TNFSF8: variants seen among roughly 807,000 people sequenced by gnomAD.
The protein encoded by TNFSF8 is TNF superfamily member 8.
In TNFSF8, 4 loss-of-function variants were observed where a neutral mutation model predicts 22.0. The observed-to-expected ratio is 0.18, with a 90% CI of 0.09 to 0.42. The LOEUF is 0.42. Among genes scored for constraint, TNFSF8 ranks in the 10% least tolerant of loss-of-function variants. The probability of loss-of-function intolerance (pLI) is 1.00; values close to 1 mark genes in which losing one functional copy is unlikely to be tolerated. For missense variants in TNFSF8, 233 were observed against 281.8 expected (o/e 0.83, Z 1.24); for synonymous variants, 106 against 112.5 (o/e 0.94, Z 0.37).
chr9:114,929,914 T>C (rs1828114970), intron 1 of TNFSF8, among the ~76,000 whole-genome samples, 195 bp downstream of exon 1: 1 of 148,018 alleles, frequency 6.8e-6, no homozygotes, highest in Non-Finnish European at 1.5e-5. Flanking sequence ...TATAATATAA[T>C]ATATATTATG....
intron 1 of TNFSF8, among the ~76,000 whole-genome samples, chr9:114,928,488 C>T (rs1251994255): frequency 1.3e-5 from 2 of 152,186 alleles, no homozygotes; most frequent in African/African-American, 4.8e-5. Flanking sequence ...TTCTCTCTAG[C>T]TTTATATATC....
At chr9:114,924,096 G>A (rs1828027006) in intron 1 of TNFSF8, among the ~76,000 whole-genome samples, 1 of 152,148 alleles carries the variant, frequency 6.6e-6, no homozygotes, top group Non-Finnish European at 1.5e-5. Context: ...AAAGGTCAAT[G>A]TTATTTAAAA....
chr9:114,917,984 T>G (rs1827940871), intron 2 of TNFSF8, 112 bp downstream of exon 2: 2 of 1,085,798 alleles, frequency 1.8e-6, no homozygotes, highest in East Asian at 5.5e-5. Flanking sequence ...CCTACCCACT[T>G]TACTGTTGGG....
At chr9:114,923,181 C>T (rs960222235) in intron 1 of TNFSF8, among the ~76,000 whole-genome samples, 1 of 152,174 alleles carries the variant, frequency 6.6e-6, no homozygotes, top group African/African-American at 2.4e-5. Context: ...TACCATTCCT[C>T]TCCTCACACC....
At chr9:114,915,685 C>T (rs1331336280) in intron 2 of TNFSF8, among the ~76,000 whole-genome samples, 3 of 152,134 alleles carry the variant, frequency 2.0e-5, no homozygotes, top group Non-Finnish European at 4.4e-5. Context: ...GACTATTCCC[C>T]ATGTTGCTGT....
chr9:114,916,587 G>T (rs933412499), intron 2 of TNFSF8, among the ~76,000 whole-genome samples: 2 of 152,166 alleles, frequency 1.3e-5, no homozygotes, highest in Non-Finnish European at 2.9e-5. Flanking sequence ...TTCACTCAGA[G>T]CCTTTTGGTT....
chr9:114,925,145 T>C (rs576002975), intron 1 of TNFSF8, among the ~76,000 whole-genome samples: 2 of 152,282 alleles, frequency 1.3e-5, no homozygotes, highest in South Asian at 4.1e-4. Context: ...GAGAGTCCAG[T>C]GGCAGTGAGC....
rs7872878 is a variant in TNFSF8, at chr9:114,919,797, G to A, written c.196-1659C>T. ...TATTATTGTAACATTTCCCTGGGAG[G>A]TCTGTCATTTGCCTTCCGCTGAAAG... On this transcript the variant is annotated intron_variant, in intron 1 of 3. Transcript: ENST00000223795. Among the ~76,000 whole-genome samples the A allele has an allele frequency of 2.0e-5, 3 of 151,932 alleles. No homozygotes were observed. In the East Asian group the frequency reaches 5.8e-4, roughly 29 times the overall value.
intron 2 of TNFSF8, among the ~76,000 whole-genome samples, chr9:114,914,782 C>A (rs1386660921): frequency 6.6e-6 from 1 of 152,202 alleles, no homozygotes; most frequent in Admixed American, 6.5e-5. Flanking sequence ...CTCCCAGGCG[C>A]TCTTCCTGGC....
chr9:114,925,224 A>T lies in TNFSF8; in HGVS notation c.195+4885T>A, dbSNP rs2060633056. Among the ~76,000 whole-genome samples the T allele has an allele frequency of 2.0e-5, 3 of 152,288 alleles. 1 individual carries two copies. In the South Asian group the frequency reaches 6.2e-4, roughly 32 times the overall value. On this transcript the variant is annotated intron_variant, in intron 1 of 3. Transcript: ENST00000223795. ...GCAGGCTGGACAACATATTCACCTT[A>T]TATACCGTCCAGTGGTGGTGGGTTG...
chr9:114,914,035 C>T (rs1275429482), intron 2 of TNFSF8, among the ~76,000 whole-genome samples: 2 of 152,086 alleles, frequency 1.3e-5, no homozygotes, highest in Admixed American at 6.6e-5. Context: ...GAGGTGAGAT[C>T]AAAGGACCAG....
chr9:114,921,210 G>A (rs1035198151), intron 1 of TNFSF8, among the ~76,000 whole-genome samples: 17 of 152,160 alleles, frequency 1.1e-4, no homozygotes, highest in Non-Finnish European at 7.3e-5. Flanking sequence ...CCTTCACCCA[G>A]GGCCCAGGAA....
intron 2 of TNFSF8, among the ~76,000 whole-genome samples, chr9:114,916,821 C>T (rs1401759083): frequency 6.6e-6 from 1 of 152,148 alleles, no homozygotes; most frequent in Non-Finnish European, 1.5e-5. Flanking sequence ...ATAGTGACCC[C>T]CAAAGCCTAA....
intron 2 of TNFSF8, among the ~76,000 whole-genome samples, chr9:114,915,682 C>T (rs1276234170): frequency 1.3e-5 from 2 of 152,128 alleles, no homozygotes; most frequent in Non-Finnish European, 2.9e-5. Flanking sequence ...GAAGACTATT[C>T]CCCATGTTGC....
chr9:114,904,453 T>C, intron 3 of TNFSF8, 128 bp from the exon 4 acceptor site: 1 of 1,327,904 alleles, frequency 7.5e-7, no homozygotes, highest in Non-Finnish European at 1.0e-6. Flanking sequence ...ATCATCTGAA[T>C]ATCTTCCATG....
chr9:114,893,617 G>A (rs1827626622), exon 5 of TNFSF8: 2 of 166,550 alleles, frequency 1.2e-5, no homozygotes, highest in Non-Finnish European at 2.7e-5. Context: ...AATGCCTGCT[G>A]TGTCAAAAAC....
intron 1 of TNFSF8, among the ~76,000 whole-genome samples, chr9:114,919,895 C>T (rs1315197776): frequency 6.6e-6 from 1 of 152,140 alleles, no homozygotes; most frequent in Non-Finnish European, 1.5e-5. Flanking sequence ...CTCCTGAAGG[C>T]AAAGCCCTGG....
downstream of TNFSF8, among the ~76,000 whole-genome samples, chr9:114,898,724 C>A (rs557394918): frequency 6.6e-6 from 1 of 152,040 alleles, no homozygotes; most frequent in Non-Finnish European, 1.5e-5. Flanking sequence ...ACAGACTTCG[C>A]GTTAGCTTGT....
intron 2 of TNFSF8, among the ~76,000 whole-genome samples, chr9:114,907,569 A>C (rs1827799939): frequency 6.6e-6 from 1 of 152,074 alleles, no homozygotes; most frequent in Non-Finnish European, 1.5e-5. Flanking sequence ...GATCAGGCCC[A>C]AGCTCCTCAG....
Sources: gnomAD v4.1 joint callset for allele counts (sites outside exome capture counted in the v4.1 genomes callset) on GRCh38, gnomAD v4.1.1 for gene constraint, MANE v1.5 for transcripts, NCBI Gene and HGNC (gene_info 2026-07-23, HGNC 2026-07-21) for gene names.